PCDH11X: variants seen among roughly 807,000 people sequenced by gnomAD.
The protein encoded by PCDH11X is protocadherin-11 X-linked.
PCDH11X carries 18 observed loss-of-function variants against 53.3 expected under a neutral mutation model. That is an observed-to-expected ratio of 0.34 (90% CI 0.23 to 0.50). The LOEUF (loss-of-function observed/expected upper bound fraction) is 0.50. PCDH11X is among the 20% of genes least tolerant of loss of function. The pLI is 0.98. For missense variants in PCDH11X, 570 were observed against 1,032.4 expected (o/e 0.55, Z 6.14); for synonymous variants, 279 against 393.3 (o/e 0.71, Z 3.44).
chrX:91,819,173 T>C (rs1936549698), intron 4 of PCDH11X, among the ~76,000 whole-genome samples: 1 of 109,641 alleles, frequency 9.1e-6, no homozygotes, highest in South Asian at 3.9e-4. Context: ...TCTTTACTTG[T>C]GGTGAGAAGG....
chrX:91,828,059 A>G (rs971385640), intron 4 of PCDH11X, among the ~76,000 whole-genome samples: 38 of 109,004 alleles, frequency 3.5e-4, no homozygotes, highest in African/African-American at 1.1e-3. Flanking sequence ...TATTCTTTCT[A>G]TCCATGAAGT....
At chrX:91,920,935 A>T (rs1028162054) in intron 6 of PCDH11X, among the ~76,000 whole-genome samples, 1 of 111,268 alleles carries the variant, frequency 9.0e-6, no homozygotes, top group African/African-American at 3.3e-5. Context: ...ATAATTTCAT[A>T]ATCTGAGTAC....
At chrX:92,348,590 G>T in intron 8 of PCDH11X, among the ~76,000 whole-genome samples, 1 of 108,428 alleles carries the variant, frequency 9.2e-6, no homozygotes, top group Non-Finnish European at 1.9e-5. Flanking sequence ...AGGCTGGAGT[G>T]CAATGGTGTG....
intron 7 of PCDH11X, among the ~76,000 whole-genome samples, chrX:92,258,937 C>A (rs1193043367): frequency 1.8e-5 from 2 of 111,153 alleles, no homozygotes; most frequent in African/African-American, 6.5e-5. Context: ...TTCAAAGTTC[C>A]ACAGATCATT....
intron 10 of PCDH11X, among the ~76,000 whole-genome samples, chrX:92,489,608 T>C (rs34615389): frequency 1.8e-5 from 2 of 108,756 alleles, no homozygotes; most frequent in Non-Finnish European, 3.8e-5. Flanking sequence ...GCAGCTCAAC[T>C]GAGGACATAA....
chrX:92,070,465 C>T (rs773597096), intron 6 of PCDH11X, among the ~76,000 whole-genome samples: 110 of 112,085 alleles, frequency 9.8e-4, no homozygotes, highest in African/African-American at 3.3e-3. Flanking sequence ...TTATTTCCTT[C>T]AGCAGTCTAA....
intron 6 of PCDH11X, among the ~76,000 whole-genome samples, chrX:92,040,566 C>T (rs777973096): frequency 2.2e-4 from 25 of 111,960 alleles, no homozygotes; most frequent in South Asian, 3.7e-4. Context: ...GGAGGGGTGA[C>T]GTCCATGATA....
At chrX:92,163,229 C>G (rs71201654) in intron 6 of PCDH11X, among the ~76,000 whole-genome samples, 2 of 110,299 alleles carry the variant, frequency 1.8e-5, no homozygotes, top group African/African-American at 3.3e-5. Context: ...GCAGTGGGGA[C>G]GCAGGGCTGA....
intron 10 of PCDH11X, among the ~76,000 whole-genome samples, chrX:92,499,042 GCAGA>G (rs1382615358): frequency 3.3e-5 from 3 of 92,022 alleles, no homozygotes; most frequent in Non-Finnish European, 4.3e-5. Context: ...AAAGAAATCC[GCAGA>G]CAGTTTTATT....
intron 6 of PCDH11X, among the ~76,000 whole-genome samples, chrX:92,050,927 C>T (rs2063358893): frequency 9.1e-6 from 1 of 110,472 alleles, no homozygotes; most frequent in Admixed American, 9.7e-5. Flanking sequence ...AACTGTATGG[C>T]ATGATGCCCC....
intron 6 of PCDH11X, among the ~76,000 whole-genome samples, chrX:91,957,730 C>T (rs1036024221): frequency 1.5e-4 from 16 of 109,310 alleles, no homozygotes; most frequent in Admixed American, 9.8e-5. Context: ...CAGGTCTTAC[C>T]CAGTCAGGAG....
intron 9 of PCDH11X, among the ~76,000 whole-genome samples, chrX:92,452,499 G>GTTT (rs1268953024): frequency 5.6e-5 from 2 of 35,897 alleles, no homozygotes; most frequent in East Asian, 1.0e-3. Context: ...ATATATATAT[G>GTTT]TTTTTTTTTT....
intron 6 of PCDH11X, among the ~76,000 whole-genome samples, chrX:92,199,710 T>TG (rs1169199556): frequency 9.2e-6 from 1 of 109,236 alleles, no homozygotes; most frequent in East Asian, 2.9e-4. Flanking sequence ...TTGGCAGGGG[T>TG]GGGGGGATTA....
intron 8 of PCDH11X, among the ~76,000 whole-genome samples, chrX:92,339,176 C>G (rs1228620024): frequency 1.8e-5 from 2 of 111,855 alleles, no homozygotes; most frequent in Non-Finnish European, 3.8e-5. Flanking sequence ...ATAAATAACT[C>G]CATATTCAAT....
At chrX:91,905,222 C>G (rs768027291) in intron 6 of PCDH11X, among the ~76,000 whole-genome samples, 5 of 108,563 alleles carry the variant, frequency 4.6e-5, no homozygotes, top group African/African-American at 1.3e-4. Flanking sequence ...CTCAACCTCC[C>G]AGGCTCAACC....
At chrX:92,491,913 T>C (rs1200545962) in intron 10 of PCDH11X, among the ~76,000 whole-genome samples, 2 of 111,887 alleles carry the variant, frequency 1.8e-5, no homozygotes, top group Admixed American at 1.9e-4. Context: ...TAGTATATCC[T>C]TTTTTAAGGC....
Position 92,098,319 on chromosome X carries a change from G to C in PCDH11X, c.3034-103056G>C, listed in dbSNP as rs762782167. ...TAGATTCAACTCCAATGATAGGTAA[G>C]CACTCACTAAATGTATTTCTACAGC... On this transcript the variant is annotated intron_variant, in intron 6 of 10. Transcript: ENST00000682573. 2.7e-5 allele frequency among the ~76,000 whole-genome samples: 3 copies of C among 111,591 alleles called. No individual in the cohort carries two copies. The South Asian group carries it at 1.1e-3, about 42-fold the overall frequency.
At chrX:92,580,156 C>T (rs1267240346) in intron 10 of PCDH11X, among the ~76,000 whole-genome samples, 1 of 101,611 alleles carries the variant, frequency 9.8e-6, no homozygotes, top group East Asian at 2.9e-4. Context: ...CTTATGCCAG[C>T]TAGAATGCTC....
chrX:92,278,180 G>C (rs2068152823), intron 8 of PCDH11X, among the ~76,000 whole-genome samples: 1 of 111,590 alleles, frequency 9.0e-6, no homozygotes. Context: ...GAGGGATAGT[G>C]AGGGAGGTTG....
Sources: gnomAD v4.1 joint callset for allele counts (sites outside exome capture counted in the v4.1 genomes callset) on GRCh38, gnomAD v4.1.1 for gene constraint, MANE v1.5 for transcripts, NCBI Gene and HGNC (gene_info 2026-07-23, HGNC 2026-07-21) for gene names.